Variants in RBFOX1 observed in about 807,000 individuals in gnomAD.
RBFOX1 encodes RNA binding protein fox-1 homolog 1.
A neutral mutation model predicts 57.7 loss-of-function variants in RBFOX1; 8 were observed. The ratio of observed to expected loss-of-function variants is 0.14; its 90% confidence interval spans 0.08 to 0.25. The LOEUF (loss-of-function observed/expected upper bound fraction) is 0.25. RBFOX1 is among the 10% of genes least tolerant of loss of function. RBFOX1 has a pLI of 1.00. For synonymous variants in RBFOX1, 326 were observed against 222.4 expected, an observed-to-expected ratio of 1.47 and a Z score of -4.15; for missense variants, 611 against 548.5, an observed-to-expected ratio of 1.11 and a Z score of -1.14.
chr16:7,024,081 GT>G (rs2040162609), intron 3 of RBFOX1, among the ~76,000 whole-genome samples: 1 of 152,192 alleles, frequency 6.6e-6, no homozygotes, highest in African/African-American at 2.4e-5. Flanking sequence ...ACAGCAGGGT[GT>G]GGCTTGGCTT....
At chr16:5,574,264 T>A (rs2046381834) in intron 2 of RBFOX1, among the ~76,000 whole-genome samples, 1 of 152,240 alleles carries the variant, frequency 6.6e-6, no homozygotes, top group Non-Finnish European at 1.5e-5. Flanking sequence ...GTGATAATGC[T>A]GCTGGCAGCA....
intron 1 of RBFOX1, among the ~76,000 whole-genome samples, chr16:5,450,204 A>G (rs1372730437): frequency 6.6e-6 from 1 of 152,206 alleles, no homozygotes; most frequent in South Asian, 2.1e-4. Flanking sequence ...AGCCTGTGGC[A>G]TTGCACCTTC....
intron 2 of RBFOX1, among the ~76,000 whole-genome samples, chr16:6,417,454 G>C: frequency 7.9e-6 from 1 of 126,894 alleles, no homozygotes; most frequent in African/African-American, 3.0e-5. Context: ...CAGTGGCACT[G>C]TGTTGGCTCA....
chr16:6,805,204 T>A (rs1019196699), intron 3 of RBFOX1, among the ~76,000 whole-genome samples: 10 of 152,174 alleles, frequency 6.6e-5, no homozygotes, highest in African/African-American at 2.4e-4. Context: ...TGGAATACTA[T>A]GCAGCCATAA....
At chr16:6,972,860 A>C (rs747961999) in intron 3 of RBFOX1, among the ~76,000 whole-genome samples, 9 of 152,210 alleles carry the variant, frequency 5.9e-5, no homozygotes, top group Non-Finnish European at 8.8e-5. Flanking sequence ...GCAGTGGTTC[A>C]TGCCTGTTAT....
At chr16:7,393,516 A>G (rs2098082527) in intron 4 of RBFOX1, among the ~76,000 whole-genome samples, 1 of 152,156 alleles carries the variant, frequency 6.6e-6, no homozygotes, top group Non-Finnish European at 1.5e-5. Flanking sequence ...GGATAATGCC[A>G]TGCCTGAGAT....
At chr16:6,425,861 T>G (rs894459611) in intron 2 of RBFOX1, among the ~76,000 whole-genome samples, 1 of 152,172 alleles carries the variant, frequency 6.6e-6, no homozygotes, top group African/African-American at 2.4e-5. Flanking sequence ...CATAGCATAA[T>G]GTCAATCATT....
intron 4 of RBFOX1, among the ~76,000 whole-genome samples, chr16:7,474,294 A>T (rs966392651): frequency 6.6e-6 from 1 of 152,056 alleles, no homozygotes; most frequent in African/African-American, 2.4e-5. Context: ...CTCATGAAAA[A>T]CAGAAAACAA....
intron 1 of RBFOX1, among the ~76,000 whole-genome samples, chr16:5,345,310 G>T (rs763571141): frequency 2.6e-5 from 4 of 152,188 alleles, no homozygotes; most frequent in African/African-American, 4.8e-5. Context: ...GGAAACAGGT[G>T]CCATGCCCTT....
At chr16:5,656,095 A>G (rs1055581703) in intron 3 of RBFOX1, among the ~76,000 whole-genome samples, 1 of 152,242 alleles carries the variant, frequency 6.6e-6, no homozygotes, top group Admixed American at 6.5e-5. Flanking sequence ...ATTATTACCA[A>G]TAGTAGCAAA....
chr16:6,955,661 C>G (rs968009681), intron 3 of RBFOX1, among the ~76,000 whole-genome samples: 3 of 151,104 alleles, frequency 2.0e-5, no homozygotes, highest in Non-Finnish European at 2.9e-5. Context: ...TTTTGCTACA[C>G]CACCACTTTA....
intron 3 of RBFOX1, among the ~76,000 whole-genome samples, chr16:6,915,568 T>G (rs1226157358): frequency 2.3e-5 from 2 of 85,328 alleles, no homozygotes; most frequent in African/African-American, 8.8e-5. Flanking sequence ...TTTTTTTTTT[T>G]GACACAGTGT....
At position 6,231,006 on chromosome 16, in the gene RBFOX1, C is replaced by A. The variant is rs541227246; in HGVS notation, c.-126-85989C>A. Among the ~76,000 whole-genome samples the A allele has an allele frequency of 7.5e-4, 114 of 152,226 alleles. 1 individual carries two copies. Among genetic ancestry groups the A allele is most frequent in the Middle Eastern group, 3.4e-3 (1 of 294 alleles). On this transcript the variant is annotated intron_variant, in intron 1 of 15. Coordinates refer to ENST00000550418, the MANE Select transcript of RBFOX1 (RefSeq NM_018723.4). Reference sequence around the variant, plus strand: ...GAAATAGTGAACCAGTAAACTGTTACATCAGTGACCACTTGTGGTACATGT... The same window carrying A: ...GAAATAGTGAACCAGTAAACTGTTAAATCAGTGACCACTTGTGGTACATGT...
rs114380086 is a variant in RBFOX1 at position 7,150,485 on chromosome 16, A to T, written c.27+98387A>T. On this transcript the variant is annotated intron_variant, in intron 4 of 15. Coordinates refer to ENST00000550418, the MANE Select transcript of RBFOX1 (RefSeq NM_018723.4). ...CAACTTCCACCATTATTACCACTCA[A>T]TGGTGGTAACAATTCCATAAATGAT... Among the ~76,000 whole-genome samples, 723 of 152,284 alleles carry T rather than the reference A, an allele frequency of 4.7e-3. 7 individuals are homozygous for T. The highest frequency in any genetic ancestry group is 0.016 in the African/African-American group (685 of 41,558).
At chr16:7,152,917 G>A (rs896710309) in intron 4 of RBFOX1, among the ~76,000 whole-genome samples, 3 of 152,176 alleles carry the variant, frequency 2.0e-5, no homozygotes, top group Non-Finnish European at 4.4e-5. Context: ...TGTTTTCTGA[G>A]AACAAACAAA....
intron 4 of RBFOX1, among the ~76,000 whole-genome samples, chr16:7,425,872 C>T (rs2098605734): frequency 6.6e-6 from 1 of 152,100 alleles, no homozygotes; most frequent in African/African-American, 2.4e-5. Flanking sequence ...GAGCATTATA[C>T]AAACAGTGAT....
chr16:5,980,695 C>T (rs373505530), intron 4 of RBFOX1, among the ~76,000 whole-genome samples: 10 of 152,264 alleles, frequency 6.6e-5, no homozygotes, highest in Middle Eastern at 6.8e-3. Flanking sequence ...GAGGAGGTTT[C>T]ATTCCCTCTT....
At chr16:7,558,219 T>G (rs1418705043) in intron 5 of RBFOX1, among the ~76,000 whole-genome samples, 2 of 152,052 alleles carry the variant, frequency 1.3e-5, no homozygotes, top group East Asian at 3.9e-4. Flanking sequence ...CTGGGTATGT[T>G]GGTGCACACC....
chr16:6,884,130 C>T (rs890084101), intron 3 of RBFOX1, among the ~76,000 whole-genome samples: 5 of 152,178 alleles, frequency 3.3e-5, no homozygotes, highest in Admixed American at 2.0e-4. Flanking sequence ...ATCTGATGCT[C>T]GACCGAGCAG....
Sources: gnomAD v4.1 joint callset for allele counts (sites outside exome capture counted in the v4.1 genomes callset) on GRCh38, gnomAD v4.1.1 for gene constraint, MANE v1.5 for transcripts, NCBI Gene and HGNC (gene_info 2026-07-23, HGNC 2026-07-21) for gene names.